The following TNFRSF13B variants were observed in gnomAD, a reference collection of about 807,000 sequenced individuals.
The protein encoded by TNFRSF13B is TNF receptor superfamily member 13B, also known as tumor necrosis factor receptor superfamily member 13B.
Under a neutral mutation model 24.0 loss-of-function variants are expected in TNFRSF13B, and 34 were observed. The observed-to-expected ratio is 1.41, with a 90% CI of 1.08 to 1.88. TNFRSF13B has a LOEUF of 1.88. TNFRSF13B is among the 40% of genes most tolerant of loss of function. The pLI is 0.00. For missense variants in TNFRSF13B, 415 were observed against 380.8 expected, an observed-to-expected ratio of 1.09 and a Z score of -0.75; for synonymous variants, 173 against 150.3, an observed-to-expected ratio of 1.15 and a Z score of -1.10.
chr17:16,944,654 G>A (rs867189125), intron 3 of TNFRSF13B, among the ~76,000 whole-genome samples: 1 of 152,148 alleles, frequency 6.6e-6, no homozygotes, highest in Non-Finnish European at 1.5e-5. Flanking sequence ...GGCCTTCCAC[G>A]AGACAGTGAG....
At chr17:16,953,838 TG>T (rs1416903329) in intron 1 of TNFRSF13B, among the ~76,000 whole-genome samples, 1 of 152,166 alleles carries the variant, frequency 6.6e-6, no homozygotes, top group African/African-American at 2.4e-5. Flanking sequence ...GGTGTGATCT[TG>T]GCTCACAGCA....
Position 16,950,146 on chromosome 17 carries a change from A to G in TNFRSF13B, c.200-1163T>C, listed in dbSNP as rs371530444. 2.3e-3 allele frequency among the ~76,000 whole-genome samples: 354 copies of G among 152,380 alleles called. 2 individuals are homozygous for G. Among genetic ancestry groups the G allele is most frequent in the African/African-American group, 8.2e-3 (340 of 41,600 alleles). On this transcript the variant is annotated intron_variant, in intron 2 of 4. Coordinates refer to ENST00000261652, the MANE Select transcript of TNFRSF13B (RefSeq NM_012452.3). ...AATAAAATATATGTGGCTCACACAT[A>G]TATTTTAAGGACACATTTTGGAGAC...
chr17:16,948,153 AAG>A (rs1168397901), intron 3 of TNFRSF13B, among the ~76,000 whole-genome samples: 2 of 152,202 alleles, frequency 1.3e-5, no homozygotes, highest in East Asian at 3.9e-4. Flanking sequence ...GATGGACATA[AAG>A]ACAGGAACAA....
At chr17:16,962,195 A>T (rs2087666941) in intron 1 of TNFRSF13B, among the ~76,000 whole-genome samples, 2 of 152,326 alleles carry the variant, frequency 1.3e-5, no homozygotes, top group South Asian at 2.1e-4. Context: ...CTCCAGGGAA[A>T]CAAAAGACAT....
At chr17:16,950,208 C>T (rs1273024962) in intron 2 of TNFRSF13B, among the ~76,000 whole-genome samples, 2 of 152,114 alleles carry the variant, frequency 1.3e-5, no homozygotes, top group Admixed American at 6.5e-5. Flanking sequence ...AATTTCAGAA[C>T]CAAATTTCAG....
intron 2 of TNFRSF13B, among the ~76,000 whole-genome samples, chr17:16,952,200 A>G (rs538713333): frequency 2.8e-4 from 42 of 152,306 alleles, no homozygotes; most frequent in African/African-American, 1.0e-3. Context: ...GATAGAGGGA[A>G]TGCATTCCAG....
intron 3 of TNFRSF13B, chr17:16,940,750 C>T: frequency 7.0e-7 from 1 of 1,423,246 alleles, no homozygotes; most frequent in Non-Finnish European, 9.2e-7. Context: ...TGAGCTAGGC[C>T]TTCTTGTTGT....
intron 3 of TNFRSF13B, among the ~76,000 whole-genome samples, chr17:16,946,926 A>C (rs2087554282): frequency 6.6e-6 from 1 of 152,122 alleles, no homozygotes. Context: ...GGCAGTTGTT[A>C]ATGAACTACT....
chr17:16,943,131 A>G (rs1467767172), intron 3 of TNFRSF13B, among the ~76,000 whole-genome samples: 3 of 152,182 alleles, frequency 2.0e-5, no homozygotes, highest in Non-Finnish European at 1.5e-5. Flanking sequence ...GACAGACCCC[A>G]AGCAAGAGCA....
intron 1 of TNFRSF13B, among the ~76,000 whole-genome samples, chr17:16,970,599 C>A (rs1024316968): frequency 6.6e-6 from 1 of 152,200 alleles, no homozygotes; most frequent in Non-Finnish European, 1.5e-5. Flanking sequence ...TGAGGGATGT[C>A]TGGTAGGAAA....
intron 1 of TNFRSF13B, 57 bp downstream of exon 1, chr17:16,971,958 G>A: frequency 6.3e-7 from 1 of 1,592,586 alleles, no homozygotes; most frequent in Non-Finnish European, 8.6e-7. Context: ...CGGCACTCAG[G>A]CCCAACCCTC....
rs750905233 is a variant in TNFRSF13B at position 16,948,718 on chromosome 17, G to A, written c.445+20C>T. On this transcript the variant is annotated intron_variant, in intron 3 of 4. Transcript: ENST00000261652. ...TCTCACCCTGCGTGACACCATGCAG[G>A]TTTGCCTTGGGTGGCTTACCTGGAC... 5.6e-6 allele frequency: 9 copies of A among 1,613,376 alleles called. No homozygotes were observed. The South Asian group carries it at 9.9e-5, about 18-fold the overall frequency.
intron 2 of TNFRSF13B, among the ~76,000 whole-genome samples, chr17:16,950,353 C>T (rs542742051): frequency 1.3e-5 from 2 of 152,282 alleles, no homozygotes; most frequent in African/African-American, 4.8e-5. Flanking sequence ...GTTGTAGGGC[C>T]CAGCACAGTG....
intron 1 of TNFRSF13B, 84 bp downstream of exon 1, chr17:16,971,931 G>T: frequency 7.1e-7 from 1 of 1,411,752 alleles, no homozygotes; most frequent in Non-Finnish European, 1.0e-6. Context: ...TGCACCTGCT[G>T]GACCTTGCAA....
chr17:16,958,810 T>C (rs1428319186), intron 1 of TNFRSF13B, among the ~76,000 whole-genome samples: 1 of 151,940 alleles, frequency 6.6e-6, no homozygotes, highest in Non-Finnish European at 1.5e-5. Context: ...TTCCAAAATA[T>C]ATGAAACAAA....
intron 3 of TNFRSF13B, chr17:16,941,028 A>G (rs2087506516): frequency 1.4e-6 from 1 of 725,894 alleles, no homozygotes; most frequent in Admixed American, 5.0e-5. Context: ...TAACCTATGC[A>G]CATCCTCCTA....
chr17:16,940,525 T>C lies in TNFRSF13B; in HGVS notation c.446-14A>G. 1 of 1,609,904 alleles carries C rather than the reference T, an allele frequency of 6.2e-7. No homozygotes were observed. The highest frequency in any genetic ancestry group is 8.5e-7 in the Non-Finnish European group (1 of 1,177,684). ...GCCCCGGGAGAGCTGCAAGACAGCA[T>C]GAGACCCCTCTCTGCAGTGCCTTCT... On this transcript the variant is annotated splice_polypyrimidine_tract_variant and intron_variant, in intron 3 of 4. Coordinates refer to ENST00000261652, the MANE Select transcript of TNFRSF13B (RefSeq NM_012452.3).
At chr17:16,947,695 A>T (rs1212560094) in intron 3 of TNFRSF13B, among the ~76,000 whole-genome samples, 1 of 152,250 alleles carries the variant, frequency 6.6e-6, no homozygotes, top group Non-Finnish European at 1.5e-5. Flanking sequence ...AAGTAAAAAA[A>T]CAACAGATGC....
At chr17:16,950,464 A>G (rs1383282349) in intron 2 of TNFRSF13B, among the ~76,000 whole-genome samples, 2 of 152,240 alleles carry the variant, frequency 1.3e-5, no homozygotes, top group Admixed American at 6.5e-5. Context: ...TCTTTGACAG[A>G]GTAAAGGAAG....
Sources: allele counts gnomAD v4.1 joint callset (sites outside exome capture counted in the v4.1 genomes callset), GRCh38; gene constraint gnomAD v4.1.1; transcripts MANE v1.5; gene names NCBI Gene and HGNC (gene_info 2026-07-23, HGNC 2026-07-21).